ATAT1: variants seen among roughly 807,000 people sequenced by gnomAD.
ATAT1 encodes the protein alpha-tubulin N-acetyltransferase 1.
In ATAT1, 42 loss-of-function variants were observed where a neutral mutation model predicts 57.2. The ratio of observed to expected loss-of-function variants is 0.73; its 90% CI spans 0.57 to 0.95. The LOEUF (loss-of-function observed/expected upper bound fraction) is 0.95, where lower values mean the gene tolerates loss of function less well. Ranked by LOEUF, ATAT1 falls within the 40% of genes least tolerant of loss-of-function variation. ATAT1 has a pLI of 0.00. For missense variants in ATAT1, 454 were observed against 523.7 expected (o/e 0.87, Z 1.30); for synonymous variants, 168 against 187.1 (o/e 0.90, Z 0.83).
Position 30,627,280 on chromosome 6 carries a change from A to G in ATAT1, c.71+6A>G. On this transcript the variant is annotated splice_donor_region_variant and intron_variant, in intron 1 of 12. Transcript: ENST00000330083. ...GGAGTGTGCCACCTTGAAAGGTGTG[A>G]CAGAAGTTTGGGTTTCAGAAGGGTG... 6.2e-7 allele frequency: 1 copy of G among 1,613,844 alleles called. No homozygotes were observed. Among genetic ancestry groups the G allele is most frequent in the African/African-American group, 1.3e-5 (1 of 74,998 alleles).
At position 30,642,841 on chromosome 6, in the gene ATAT1, A is replaced by ACCCCCCCCCCCCCCC; in HGVS notation, c.769_770insCCCCCCCCCCCCCCC (p.Pro256_Arg257insProProProProPro). Reference sequence around the variant, plus strand: ...GCCGCGCCACACCTCCAGCCCACCCACCCCCCCGCTCCAGCAGCCTGGGAA... The same window carrying ACCCCCCCCCCCCCCC: ...GCCGCGCCACACCTCCAGCCCACCCACCCCCCCCCCCCCCCCCCCCCCGCTCCAGCAGCCTGGGAA... On this transcript the variant is annotated inframe_insertion, in exon 10 of 13. Coordinates refer to ENST00000330083, the MANE Select transcript of ATAT1 (RefSeq NM_001031722.4). 1 of 296,310 alleles carries ACCCCCCCCCCCCCCC rather than the reference A, an allele frequency of 3.4e-6. No homozygotes were observed. Among genetic ancestry groups the ACCCCCCCCCCCCCCC allele is most frequent in the South Asian group, 3.2e-5 (1 of 30,954 alleles). The allele number at this position is 296,310 out of a possible 1,614,324, so 18.4% of individuals were successfully genotyped here.
chr6:30,643,156 T>C (rs1178472431), intron 10 of ATAT1, 145 bp downstream of exon 10: 4 of 1,487,968 alleles, frequency 2.7e-6, no homozygotes, highest in Admixed American at 5.1e-5. Context: ...AGAAAAATAT[T>C]TGTGCAAGTG....
chr6:30,643,381 G>C, intron 10 of ATAT1: 1 of 1,468,526 alleles, frequency 6.8e-7, no homozygotes, highest in Non-Finnish European at 9.0e-7. Flanking sequence ...ACTGGCTTGT[G>C]TGCCAAGAGT....
rs2127475956 is a variant in ATAT1, at chr6:30,627,075, G to A, written c.-129G>A. On this transcript the variant is annotated 5_prime_UTR_variant, in exon 1 of 13. Transcript: ENST00000330083. ...CCAGGCACCACGCCCCCTTCTCACTGACTAGTGATCGCCCCTTTTGATGTC... is the reference window on the plus strand; with the variant it reads ...CCAGGCACCACGCCCCCTTCTCACTAACTAGTGATCGCCCCTTTTGATGTC... 1 of 1,551,252 alleles carries A rather than the reference G, an allele frequency of 6.4e-7. No individual in the cohort carries two copies. Among genetic ancestry groups the A allele is most frequent in the African/African-American group, 1.4e-5 (1 of 73,464 alleles).
Position 30,627,848 on chromosome 6 carries a change from C to T in ATAT1, c.225-3C>T, listed in dbSNP as rs754511966. 1 of 1,612,780 alleles carries T rather than the reference C, an allele frequency of 6.2e-7. No individual in the cohort carries two copies. The highest frequency in any genetic ancestry group is 1.3e-5 in the African/African-American group (1 of 74,906). On this transcript the variant is annotated splice_region_variant and splice_polypyrimidine_tract_variant and intron_variant, in intron 3 of 12. Transcript: ENST00000330083. The stretch of plus-strand genomic sequence containing the variant: ...CCTGTTCATTATTTTCCCCGTCCTA[C>T]AGGGCTGGAAAAGGAGCCATTATTG...
At chr6:30,630,649 GA>G (rs1561897692) in intron 6 of ATAT1, among the ~76,000 whole-genome samples, 1 of 150,442 alleles carries the variant, frequency 6.6e-6, no homozygotes, top group Non-Finnish European at 1.5e-5. Flanking sequence ...AAAAGAAAAA[GA>G]AAAAGGGCCA....
Position 30,643,662 on chromosome 6 carries a change from G to A in ATAT1, c.932+651G>A, listed in dbSNP as rs1420805284. 1.9e-6 allele frequency: 3 copies of A among 1,539,196 alleles called. No individual in the cohort carries two copies. The African/African-American group carries it at 4.1e-5, about 21-fold the overall frequency. ...TCCATTGCATCCTGTAGGACCCAGT[G>A]GAACCTGACAGAGCCCATAGGATTC... is the stretch of plus-strand genomic sequence containing the variant. On this transcript the variant is annotated intron_variant, in intron 10 of 12. Coordinates refer to ENST00000330083, the MANE Select transcript of ATAT1 (RefSeq NM_001031722.4).
chr6:30,637,689 A>AAC (rs1764431290), intron 6 of ATAT1, among the ~76,000 whole-genome samples: 1 of 151,836 alleles, frequency 6.6e-6, no homozygotes, highest in South Asian at 2.1e-4. Flanking sequence ...TGTTAAAAAA[A>AAC]AAAAAAGGCC....
intron 6 of ATAT1, among the ~76,000 whole-genome samples, chr6:30,631,998 G>C (rs1310161816): frequency 6.6e-6 from 1 of 151,812 alleles, no homozygotes; most frequent in Admixed American, 6.6e-5. Context: ...GCAAAGACTG[G>C]CTTTTATTTT....
At chr6:30,627,754 A>C in intron 3 of ATAT1, 27 bp downstream of exon 3, 2 of 1,607,600 alleles carry the variant, frequency 1.2e-6, no homozygotes, top group Non-Finnish European at 1.7e-6. Flanking sequence ...CTTCCATCCC[A>C]TACTTAATTC....
intron 9 of ATAT1, 39 bp downstream of exon 9, chr6:30,642,286 C>T (rs1185825290): frequency 1.2e-6 from 2 of 1,612,444 alleles, no homozygotes; most frequent in African/African-American, 1.3e-5. Context: ...GCCTGGGGTA[C>T]CTTAACACAA....
At position 30,642,832 on chromosome 6, in the gene ATAT1, A is replaced by AGGGGGGGCG; in HGVS notation, c.754_755insGGGGGGCGG (p.Pro251_Ala252insGlyGlyAla). The AGGGGGGGCG allele has an allele frequency of 7.3e-6, 9 of 1,230,730 alleles. No individual in the cohort carries two copies. Among genetic ancestry groups the AGGGGGGGCG allele is most frequent in the East Asian group, 6.7e-5 (2 of 29,674 alleles). 76.2% of individuals were successfully genotyped at this position (1,230,730 alleles called of 1,614,324 possible). On this transcript the variant is annotated inframe_insertion, in exon 10 of 13. Coordinates refer to ENST00000330083, the MANE Select transcript of ATAT1 (RefSeq NM_001031722.4). ...GGGCCCCTCGCCGCGCCACACCTCC[A>AGGGGGGGCG]GCCCACCCACCCCCCCGCTCCAGCA...
chr6:30,640,562 C>A lies in ATAT1; in HGVS notation c.575C>A (p.Thr192Asn). ...CCCCCTGCTCCCTCTCTGAGGGCAACTCGACACTCTCGTGCTGCTGCAGTC... is the reference window on the plus strand; with the variant it reads ...CCCCCTGCTCCCTCTCTGAGGGCAAATCGACACTCTCGTGCTGCTGCAGTC... The change falls in exon 8 of 13, where the codon ACT becomes AAT. Residue 192 changes from threonine to asparagine, a missense_variant. By Grantham distance (65) the Thr-to-Asn change is moderately conservative (BLOSUM62 0). Coordinates refer to ENST00000330083, the MANE Select transcript of ATAT1 (RefSeq NM_001031722.4). 6.2e-7 allele frequency: 1 copy of A among 1,613,004 alleles called. No individual in the cohort carries two copies. The highest frequency in any genetic ancestry group is 8.5e-7 in the Non-Finnish European group (1 of 1,180,022).
At chr6:30,629,734 T>A (rs1051381047) in intron 6 of ATAT1, among the ~76,000 whole-genome samples, 80 of 152,040 alleles carry the variant, frequency 5.3e-4, no homozygotes, top group African/African-American at 1.8e-3. Flanking sequence ...TTAGTAGAGA[T>A]GGGGTTTCAC....
In ATAT1 at chr6:30,634,677, A is replaced by C. The variant is rs1050954969; in HGVS notation, c.502-5700A>C. Among the ~76,000 whole-genome samples, 58 of 150,998 alleles carry C rather than the reference A, an allele frequency of 3.8e-4. 1 individual carries two copies. The highest frequency in any genetic ancestry group is 6.8e-3 in the Middle Eastern group (2 of 292). On this transcript the variant is annotated intron_variant, in intron 6 of 12. Coordinates refer to ENST00000330083, the MANE Select transcript of ATAT1 (RefSeq NM_001031722.4). ...TCTCAAAGGAGGAAAAAAAAAAAAA[A>C]AAAAAACCTTGTTTAAAAAAAAAAA...
Position 30,642,752 on chromosome 6 carries a change from T to G in ATAT1, c.689-16T>G. ...TCTTCTTTTTCTGTCTTGCTCTTCATTCTCCCTGTCCCCAGTTCTGAAGGT... is the reference window on the plus strand; with the variant it reads ...TCTTCTTTTTCTGTCTTGCTCTTCAGTCTCCCTGTCCCCAGTTCTGAAGGT... On this transcript the variant is annotated splice_polypyrimidine_tract_variant and intron_variant, in intron 9 of 12. Transcript: ENST00000330083. 1 of 1,547,204 alleles carries G rather than the reference T, an allele frequency of 6.5e-7. No individual in the cohort carries two copies. The highest frequency in any genetic ancestry group is 8.9e-7 in the Non-Finnish European group (1 of 1,122,220).
Position 30,627,531 on chromosome 6 carries a change from GTT to G in ATAT1, c.132+15_132+16del, listed in dbSNP as rs748904596. The G allele has an allele frequency of 1.2e-6, 2 of 1,612,108 alleles. No homozygotes were observed. The highest frequency in any genetic ancestry group is 3.3e-5 in the Admixed American group (2 of 60,016). On this transcript the variant is annotated intron_variant, in intron 2 of 12. Coordinates refer to ENST00000330083, the MANE Select transcript of ATAT1 (RefSeq NM_001031722.4). The stretch of plus-strand genomic sequence containing the variant: ...AAGGCTTCTGCCAAGGTACTGGAGA[GTT>G]TTTAGATGGAGTAAAGGGAGGACCT...
chr6:30,645,408 G>T (rs1304225224), intron 10 of ATAT1, among the ~76,000 whole-genome samples: 1 of 151,984 alleles, frequency 6.6e-6, no homozygotes, highest in Non-Finnish European at 1.5e-5. Flanking sequence ...TAGAGACAGG[G>T]TTTCACCATG....
rs1582727582 is a variant in ATAT1 at position 30,626,897 on chromosome 6, G to T, written c.-307G>T. The T allele has an allele frequency of 1.2e-6, 2 of 1,608,228 alleles. No individual in the cohort carries two copies. Among genetic ancestry groups the T allele is most frequent in the Non-Finnish European group, 1.7e-6 (2 of 1,178,134 alleles). ...GCGCACAATGGGCCATGGAGTTCCC[G>T]TTCGATGTGGACGCGCTGTTCCCGG... is the stretch of plus-strand genomic sequence containing the variant. On this transcript the variant is annotated 5_prime_UTR_variant, in exon 1 of 13. Transcript: ENST00000330083.
Sources: gnomAD v4.1 joint callset for allele counts (sites outside exome capture counted in the v4.1 genomes callset) on GRCh38, gnomAD v4.1.1 for gene constraint, MANE v1.5 for transcripts, NCBI Gene and HGNC (gene_info 2026-07-23, HGNC 2026-07-21) for gene names.